SUPT3H: variants seen among roughly 807,000 people sequenced by gnomAD.
The protein encoded by SUPT3H is transcription initiation protein SPT3 homolog.
A neutral mutation model predicts 44.3 loss-of-function variants in SUPT3H; 44 were observed. The ratio of observed to expected loss-of-function variants is 0.99; its 90% CI spans 0.78 to 1.28. The LOEUF (loss-of-function observed/expected upper bound fraction) is 1.28. Among genes scored for constraint, SUPT3H ranks in the 50% most tolerant of loss-of-function variants. SUPT3H has a pLI of 0.00. For synonymous variants in SUPT3H, 124 were observed against 125.6 expected (o/e 0.99, Z 0.09); for missense variants, 380 against 387.1 (o/e 0.98, Z 0.15).
intron 10 of SUPT3H, among the ~76,000 whole-genome samples, chr6:44,889,239 C>T (rs1366611632): frequency 1.3e-5 from 2 of 152,158 alleles, no homozygotes; most frequent in African/African-American, 4.8e-5. Flanking sequence ...CTACCAATGA[C>T]TTTCTTCACA....
At chr6:45,166,964 C>T (rs1809988693) in intron 2 of SUPT3H, among the ~76,000 whole-genome samples, 1 of 152,192 alleles carries the variant, frequency 6.6e-6, no homozygotes, top group African/African-American at 2.4e-5. Context: ...AACACTTTGG[C>T]AGTTTTTTAA....
In SUPT3H at chr6:45,101,713, T is replaced by G. The variant is rs116410102; in HGVS notation, c.186+4209A>C. Among the ~76,000 whole-genome samples, 389 of 152,278 alleles carry G rather than the reference T, an allele frequency of 2.6e-3. 3 individuals carry two copies. Among genetic ancestry groups the G allele is most frequent in the African/African-American group, 8.5e-3 (355 of 41,566 alleles). On this transcript the variant is annotated intron_variant, in intron 3 of 10. Coordinates refer to ENST00000371459, the MANE Select transcript of SUPT3H (RefSeq NM_003599.4). ...GAATATGCTAAATACCCTGATATGA[T>G]CATTATACATTGTATACATGTGTCA...
At chr6:45,254,665 T>C (rs1584514022) in intron 2 of SUPT3H, among the ~76,000 whole-genome samples, 1 of 152,190 alleles carries the variant, frequency 6.6e-6, no homozygotes, top group Admixed American at 6.5e-5. Flanking sequence ...CTTATTTTTA[T>C]CACATAAGTA....
At chr6:45,310,731 G>A (rs922014411) in intron 2 of SUPT3H, among the ~76,000 whole-genome samples, 12 of 152,082 alleles carry the variant, frequency 7.9e-5, no homozygotes, top group Admixed American at 4.6e-4. Flanking sequence ...AAAAGGGGGC[G>A]AGTACTACAT....
intron 2 of SUPT3H, among the ~76,000 whole-genome samples, chr6:45,264,723 A>T (rs980753471): frequency 1.3e-5 from 2 of 152,108 alleles, no homozygotes; most frequent in Non-Finnish European, 2.9e-5. Flanking sequence ...CATTACAACA[A>T]GTCTAATATG....
chr6:45,021,940 G>T (rs550478631), intron 3 of SUPT3H, among the ~76,000 whole-genome samples: 4 of 151,828 alleles, frequency 2.6e-5, no homozygotes, highest in Non-Finnish European at 5.9e-5. Flanking sequence ...TTGGTGGGGG[G>T]GTAGGTTTTT....
At chr6:44,963,770 C>T (rs542997573) in intron 6 of SUPT3H, among the ~76,000 whole-genome samples, 7 of 152,124 alleles carry the variant, frequency 4.6e-5, no homozygotes, top group South Asian at 2.1e-4. Context: ...AAGGCTGAGG[C>T]GGGTGGATCA....
At chr6:45,313,635 G>A in intron 2 of SUPT3H, among the ~76,000 whole-genome samples, 1 of 133,668 alleles carries the variant, frequency 7.5e-6, no homozygotes, top group South Asian at 2.6e-4. Flanking sequence ...CAGCGAGATT[G>A]AAATGGTAAT....
intron 2 of SUPT3H, among the ~76,000 whole-genome samples, chr6:45,235,729 G>A (rs1386927664): frequency 6.6e-6 from 1 of 152,144 alleles, no homozygotes; most frequent in African/African-American, 2.4e-5. Context: ...GATTAGGAGT[G>A]TGCTGGGAAC....
At chr6:45,155,627 AAAGAT>A (rs1158841274) in intron 2 of SUPT3H, among the ~76,000 whole-genome samples, 2 of 152,172 alleles carry the variant, frequency 1.3e-5, no homozygotes, top group African/African-American at 2.4e-5. Context: ...GCCTATGTAC[AAAGAT>A]AAGCAAAAGC....
intron 3 of SUPT3H, among the ~76,000 whole-genome samples, chr6:45,100,154 G>A (rs774595285): frequency 2.6e-5 from 4 of 152,070 alleles, no homozygotes; most frequent in Non-Finnish European, 5.9e-5. Flanking sequence ...AAGCACAGGG[G>A]AAAACGCTTC....
At chr6:44,889,607 T>G (rs187063828) in intron 10 of SUPT3H, among the ~76,000 whole-genome samples, 1 of 152,234 alleles carries the variant, frequency 6.6e-6, no homozygotes, top group East Asian at 1.9e-4. Flanking sequence ...ATACAAAAAT[T>G]AATTCAAGAT....
At chr6:45,018,776 A>G (rs953131818) in intron 4 of SUPT3H, among the ~76,000 whole-genome samples, 2 of 151,916 alleles carry the variant, frequency 1.3e-5, no homozygotes, top group African/African-American at 4.8e-5. Flanking sequence ...TTTTTGCATC[A>G]ATGTTCATCA....
intron 10 of SUPT3H, among the ~76,000 whole-genome samples, chr6:44,905,780 A>C (rs751725120): frequency 8.5e-5 from 13 of 152,064 alleles, no homozygotes; most frequent in South Asian, 2.1e-4. Context: ...CAAATGTCCA[A>C]CCAACAATGA....
intron 2 of SUPT3H, among the ~76,000 whole-genome samples, chr6:45,214,349 T>C (rs1584296429): frequency 6.6e-6 from 1 of 151,708 alleles, no homozygotes; most frequent in East Asian, 1.9e-4. Context: ...AGAAAACTAA[T>C]GATAGTAAAA....
intron 7 of SUPT3H, among the ~76,000 whole-genome samples, chr6:44,956,067 A>G (rs974056661): frequency 6.6e-6 from 1 of 151,410 alleles, no homozygotes; most frequent in African/African-American, 2.4e-5. Flanking sequence ...GCTTACAGTG[A>G]GCCGAGATGG....
chr6:44,877,468 C>CA (rs5875897), intron 10 of SUPT3H, among the ~76,000 whole-genome samples: 51,066 of 122,268 alleles, frequency 0.42, 10,163 homozygotes, highest in East Asian at 0.59. Context: ...GACTCAGTCT[C>CA]AAAAAAAAAA....
At chr6:45,235,980 C>T (rs1471472222) in intron 2 of SUPT3H, among the ~76,000 whole-genome samples, 1 of 152,172 alleles carries the variant, frequency 6.6e-6, no homozygotes, top group Non-Finnish European at 1.5e-5. Context: ...AGGAAACTAG[C>T]CAGAGCCCAT....
intron 9 of SUPT3H, among the ~76,000 whole-genome samples, chr6:44,950,459 TA>T (rs1774102893): frequency 6.6e-6 from 1 of 152,154 alleles, no homozygotes; most frequent in Non-Finnish European, 1.5e-5. Flanking sequence ...TAATGTATTT[TA>T]AAAAATAGCC....
Sources: gnomAD v4.1 joint callset for allele counts (sites outside exome capture counted in the v4.1 genomes callset) on GRCh38, gnomAD v4.1.1 for gene constraint, MANE v1.5 for transcripts, NCBI Gene and HGNC (gene_info 2026-07-23, HGNC 2026-07-21) for gene names.